The following ELP4 variants were observed in gnomAD, a reference collection of about 807,000 sequenced individuals.
ELP4 encodes the protein elongator acetyltransferase complex subunit 4.
Under a neutral mutation model 48.9 loss-of-function variants are expected in ELP4, and 51 were observed. The ratio of observed to expected loss-of-function variants is 1.04; its 90% CI spans 0.83 to 1.32. ELP4 has a LOEUF of 1.32. Ranked by LOEUF, ELP4 falls within the 40% of genes most tolerant of loss-of-function variation. The pLI, the probability that ELP4 is intolerant of heterozygous loss-of-function variation, is 0.00. For missense variants in ELP4, 519 were observed against 514.6 expected (o/e 1.01, Z -0.08); for synonymous variants, 210 against 189.2 (o/e 1.11, Z -0.90).
intron 7 of ELP4, among the ~76,000 whole-genome samples, chr11:31,644,621 T>G (rs1945165419): frequency 1.3e-5 from 2 of 151,808 alleles, no homozygotes; most frequent in African/African-American, 4.8e-5. Context: ...ATGGGTTTTT[T>G]AAGCTGTTAA....
At chr11:31,587,832 A>G (rs1208034495) in intron 3 of ELP4, among the ~76,000 whole-genome samples, 3 of 152,122 alleles carry the variant, frequency 2.0e-5, no homozygotes, top group Non-Finnish European at 4.4e-5. Context: ...TTTAAAAACT[A>G]AATATATTTA....
At chr11:31,592,548 T>C (rs1006079524) in intron 3 of ELP4, among the ~76,000 whole-genome samples, 7 of 149,162 alleles carry the variant, frequency 4.7e-5, no homozygotes, top group Non-Finnish European at 7.4e-5. Flanking sequence ...ATAAATCTTA[T>C]AACCTATATA....
intron 5 of ELP4, among the ~76,000 whole-genome samples, chr11:31,625,644 G>T (rs1463818097): frequency 6.6e-6 from 1 of 151,762 alleles, no homozygotes; most frequent in Non-Finnish European, 1.5e-5. Context: ...GAATGCATTG[G>T]CTATATTTTT....
At chr11:31,781,231 C>A (rs1948366619) in intron 9 of ELP4, among the ~76,000 whole-genome samples, 2 of 152,106 alleles carry the variant, frequency 1.3e-5, no homozygotes, top group Admixed American at 1.3e-4. Flanking sequence ...TTGTCAGGTC[C>A]CAACCAAAAG....
intron 9 of ELP4, among the ~76,000 whole-genome samples, chr11:31,710,707 G>A (rs564474190): frequency 6.4e-4 from 97 of 151,744 alleles, no homozygotes; most frequent in African/African-American, 2.2e-3. Flanking sequence ...CAGAAGAAAA[G>A]AGTTCATTGG....
At chr11:31,560,744 G>GTA (rs1006480144) in intron 3 of ELP4, among the ~76,000 whole-genome samples, 4 of 53,100 alleles carry the variant, frequency 7.5e-5, no homozygotes, top group South Asian at 6.6e-4. Flanking sequence ...ACATTGTTTT[G>GTA]TATATATATA....
intron 9 of ELP4, among the ~76,000 whole-genome samples, chr11:31,668,019 T>A (rs944983960): frequency 6.6e-6 from 1 of 152,174 alleles, no homozygotes; most frequent in Non-Finnish European, 1.5e-5. Context: ...ATTTATTTTC[T>A]AATCAGAAGA....
chr11:31,733,139 A>G (rs534414314), intron 9 of ELP4, among the ~76,000 whole-genome samples: 1 of 152,306 alleles, frequency 6.6e-6, no homozygotes, highest in South Asian at 2.1e-4. Flanking sequence ...GACATTCTTC[A>G]AAACAGATCA....
chr11:31,764,884 AT>A (rs1175971829), intron 9 of ELP4, among the ~76,000 whole-genome samples: 1 of 152,168 alleles, frequency 6.6e-6, no homozygotes, highest in Non-Finnish European at 1.5e-5. Flanking sequence ...ACAGCTACAA[AT>A]TACTAATCAT....
intron 1 of ELP4, among the ~76,000 whole-genome samples, chr11:31,514,536 G>A (rs888864278): frequency 5.3e-5 from 8 of 152,116 alleles, no homozygotes; most frequent in African/African-American, 1.9e-4. Context: ...AAGGGGAGAG[G>A]AAATAGTAAA....
At chr11:31,683,755 A>C (rs1238989919) in intron 9 of ELP4, among the ~76,000 whole-genome samples, 1 of 152,228 alleles carries the variant, frequency 6.6e-6, no homozygotes, top group East Asian at 1.9e-4. Context: ...ATAATTAAAG[A>C]GATTTCTTCC....
Position 31,789,737 on chromosome 11 carries a change from T to C in ELP4, c.*6213T>C. ...AAATGAAGATTTGTTCCAACTGATA[T>C]CGTGCCTTCTGTATACAAAGGTCCT... is the stretch of plus-strand genomic sequence containing the variant. On this transcript the variant is annotated 3_prime_UTR_variant, in exon 10 of 10. Transcript: ENST00000640961. 1.4e-6 allele frequency: 1 copy of C among 707,374 alleles called. No individual in the cohort carries two copies. The highest frequency in any genetic ancestry group is 2.6e-6 in the Non-Finnish European group (1 of 386,130). 43.8% of individuals were successfully genotyped at this position (707,374 alleles called of 1,614,324 possible). A position where few individuals can be genotyped will look rare whatever the true frequency, so the allele number is the denominator to read the frequency against.
At chr11:31,691,356 C>T (rs2032490) in intron 9 of ELP4, among the ~76,000 whole-genome samples, 92,209 of 151,886 alleles carry the variant, frequency 0.61, 31,743 homozygotes, top group Non-Finnish European at 0.76. Context: ...GGATAAGCTG[C>T]TCACTTAGAT....
chr11:31,567,483 C>A (rs1287567871), intron 3 of ELP4, among the ~76,000 whole-genome samples: 4 of 152,138 alleles, frequency 2.6e-5, no homozygotes, highest in Non-Finnish European at 5.9e-5. Context: ...CATATGCAGA[C>A]CATAATAACT....
intron 9 of ELP4, chr11:31,727,717 A>G (rs1332701489): frequency 6.6e-6 from 1 of 152,198 alleles, no homozygotes; most frequent in Non-Finnish European, 1.5e-5. Flanking sequence ...TGTTTCACAT[A>G]ATAACTACTC....
chr11:31,729,188 C>T (rs953220391), intron 9 of ELP4, among the ~76,000 whole-genome samples: 12 of 152,050 alleles, frequency 7.9e-5, no homozygotes, highest in Non-Finnish European at 1.3e-4. Context: ...GAAAGTTATA[C>T]GTGTAGTATA....
At position 31,739,207 on chromosome 11, in the gene ELP4, T is replaced by G. The variant is rs561447386; in HGVS notation, c.1144-44186T>G. Among the ~76,000 whole-genome samples the G allele has an allele frequency of 5.3e-5, 8 of 152,328 alleles. No individual in the cohort carries two copies. The East Asian group carries it at 1.2e-3, about 22-fold the overall frequency. The stretch of plus-strand genomic sequence containing the variant: ...AAAGACAAAACCAATAAAAGTGTAG[T>G]GACACAATTAAAATTCTCTGAGACT... On this transcript the variant is annotated intron_variant, in intron 9 of 9. Coordinates refer to ENST00000640961, the MANE Select transcript of ELP4 (RefSeq NM_019040.5).
chr11:31,662,667 C>A lies in ELP4; in HGVS notation c.1143+12446C>A. 4 of 397,306 alleles carry A rather than the reference C, an allele frequency of 1.0e-5. No homozygotes were observed. In the South Asian group the frequency reaches 5.2e-4, roughly 51 times the overall value. 24.6% of individuals were successfully genotyped at this position (397,306 alleles called of 1,614,324 possible). A position where few individuals can be genotyped will look rare whatever the true frequency, so the allele number is the denominator to read the frequency against. On this transcript the variant is annotated intron_variant, in intron 9 of 9. Transcript: ENST00000640961. Reference sequence around the variant, plus strand: ...AAAGAAAATTTACTGAGAGAATTGTCAATTTGGTGATAATGATTTATACTC... The same window carrying A: ...AAAGAAAATTTACTGAGAGAATTGTAAATTTGGTGATAATGATTTATACTC...
chr11:31,780,309 T>G (rs963855315), intron 9 of ELP4, among the ~76,000 whole-genome samples: 2 of 152,180 alleles, frequency 1.3e-5, no homozygotes, highest in Non-Finnish European at 2.9e-5. Context: ...GATCTCTCGT[T>G]CTTCCTCGCT....
Sources: gnomAD v4.1 joint callset for allele counts (sites outside exome capture counted in the v4.1 genomes callset) on GRCh38, gnomAD v4.1.1 for gene constraint, MANE v1.5 for transcripts, NCBI Gene and HGNC (gene_info 2026-07-23, HGNC 2026-07-21) for gene names.